The following SHISA6 variants were observed in gnomAD, a reference collection of about 807,000 sequenced individuals.
SHISA6 encodes the protein protein shisa-6.
In SHISA6, 22 loss-of-function variants were observed where a neutral mutation model predicts 47.9. The observed-to-expected ratio is 0.46, with a 90% CI of 0.33 to 0.66. SHISA6 has a LOEUF of 0.66. SHISA6 is among the 30% of genes least tolerant of loss of function. SHISA6 has a pLI of 0.02. For missense variants in SHISA6, 680 were observed against 764.6 expected (o/e 0.89, Z 1.30); for synonymous variants, 388 against 337.8 (o/e 1.15, Z -1.63).
chr17:11,487,539 T>G (rs950846528), intron 3 of SHISA6, among the ~76,000 whole-genome samples: 1 of 152,096 alleles, frequency 6.6e-6, no homozygotes, highest in African/African-American at 2.4e-5. Context: ...CCTGAAAGCA[T>G]GAAAAACAGC....
At position 11,407,394 on chromosome 17, in the gene SHISA6, A is replaced by T. The variant is rs565670881; in HGVS notation, c.895+27885A>T. On this transcript the variant is annotated intron_variant, in intron 3 of 5. Coordinates refer to ENST00000441885, the MANE Select transcript of SHISA6 (RefSeq NM_207386.4). ...GAATGGGCTTCTTTCAAGATCCAGC[A>T]TAATCAAATTTCTCAGACCTAACTC... Among the ~76,000 whole-genome samples, 50 of 152,238 alleles carry T rather than the reference A, an allele frequency of 3.3e-4. No homozygotes were observed. In the South Asian group the frequency reaches 0.01, roughly 32 times the overall value.
intron 1 of SHISA6, among the ~76,000 whole-genome samples, chr17:11,249,546 G>A (rs1907725288): frequency 6.6e-6 from 1 of 152,094 alleles, no homozygotes; most frequent in African/African-American, 2.4e-5. Flanking sequence ...TCCCTGTAAT[G>A]TGCTTGATAC....
At chr17:11,389,744 A>G (rs994707304) in intron 3 of SHISA6, among the ~76,000 whole-genome samples, 2 of 152,088 alleles carry the variant, frequency 1.3e-5, no homozygotes, top group Non-Finnish European at 2.9e-5. Context: ...GGCTAGTACA[A>G]TCTCTCCTCC....
At chr17:11,442,955 G>A (rs1915130830) in intron 3 of SHISA6, among the ~76,000 whole-genome samples, 2 of 152,140 alleles carry the variant, frequency 1.3e-5, no homozygotes, top group Admixed American at 6.5e-5. Flanking sequence ...AAATGAAATA[G>A]GGCTAAATCC....
intron 2 of SHISA6, among the ~76,000 whole-genome samples, chr17:11,374,673 A>C (rs1292001952): frequency 6.6e-6 from 1 of 152,060 alleles, no homozygotes; most frequent in Non-Finnish European, 1.5e-5. Context: ...AAACATCTTC[A>C]TTCAAAAATA....
chr17:11,435,698 A>C (rs1914916198), intron 3 of SHISA6, among the ~76,000 whole-genome samples: 1 of 152,040 alleles, frequency 6.6e-6, no homozygotes, highest in Non-Finnish European at 1.5e-5. Context: ...CCAAAGGCTC[A>C]TGGGGTTGCT....
At chr17:11,380,919 G>T (rs372647715) in intron 3 of SHISA6, among the ~76,000 whole-genome samples, 15 of 152,310 alleles carry the variant, frequency 9.8e-5, no homozygotes, top group African/African-American at 3.4e-4. Context: ...TCACTGCATG[G>T]TGCCTGGATT....
At chr17:11,429,125 G>A (rs1914682856) in intron 3 of SHISA6, among the ~76,000 whole-genome samples, 1 of 152,098 alleles carries the variant, frequency 6.6e-6, no homozygotes, top group Non-Finnish European at 1.5e-5. Context: ...GTGTTTGCTG[G>A]CAGGATCCAG....
At chr17:11,463,370 C>A (rs1458233294) in intron 3 of SHISA6, among the ~76,000 whole-genome samples, 2 of 152,038 alleles carry the variant, frequency 1.3e-5, no homozygotes, top group African/African-American at 4.8e-5. Context: ...TAGTAAAAAC[C>A]TTTTATGAAT....
intron 1 of SHISA6, among the ~76,000 whole-genome samples, chr17:11,245,751 G>GC (rs889803016): frequency 5.4e-5 from 8 of 148,194 alleles, no homozygotes; most frequent in East Asian, 3.9e-4. Flanking sequence ...GGGCAGGGTG[G>GC]GGGGGGTGGA....
chr17:11,439,723 C>A (rs4792136), intron 3 of SHISA6, among the ~76,000 whole-genome samples: 17,372 of 152,172 alleles, frequency 0.11, 1,405 homozygotes, highest in African/African-American at 0.23. Flanking sequence ...CTTCCTTCCA[C>A]CCTCTTCTTC....
At chr17:11,404,478 G>A (rs1400930687) in intron 3 of SHISA6, among the ~76,000 whole-genome samples, 1 of 152,080 alleles carries the variant, frequency 6.6e-6, no homozygotes, top group East Asian at 1.9e-4. Context: ...AATATCTGTG[G>A]GTTGTGGCTG....
rs181259675 is a variant in SHISA6 at position 11,488,014 on chromosome 17, G to A, written c.896-63882G>A. ...GTCTGATATCCTGGGTTTTTATTGT[G>A]TCGGATGGGGTTCAGGAGCAGTGGG... On this transcript the variant is annotated intron_variant, in intron 3 of 5. Coordinates refer to ENST00000441885, the MANE Select transcript of SHISA6 (RefSeq NM_207386.4). Among the ~76,000 whole-genome samples the A allele has an allele frequency of 3.6e-3, 556 of 152,340 alleles. 5 individuals carry two copies. The highest frequency in any genetic ancestry group is 0.013 in the African/African-American group (531 of 41,576).
chr17:11,289,887 A>G (rs1248706306), intron 2 of SHISA6: 3 of 152,110 alleles, frequency 2.0e-5, no homozygotes, highest in Non-Finnish European at 4.4e-5. Flanking sequence ...GTTAGTGTAC[A>G]AATTAGTGTT....
At chr17:11,511,959 TC>T (rs1416727378) in intron 3 of SHISA6, among the ~76,000 whole-genome samples, 4 of 152,208 alleles carry the variant, frequency 2.6e-5, no homozygotes, top group Non-Finnish European at 4.4e-5. Flanking sequence ...GGGCCAGGAT[TC>T]AAGAGACTCG....
chr17:11,382,721 G>A (rs868681963), intron 3 of SHISA6, among the ~76,000 whole-genome samples: 19 of 151,792 alleles, frequency 1.3e-4, no homozygotes, highest in African/African-American at 3.6e-4. Flanking sequence ...TAGCCATTGC[G>A]TTGCCCCATT....
intron 2 of SHISA6, among the ~76,000 whole-genome samples, chr17:11,376,396 C>T (rs1912802768): frequency 6.6e-6 from 1 of 151,450 alleles, no homozygotes; most frequent in Admixed American, 6.6e-5. Flanking sequence ...GAGCTCACTG[C>T]AACCTCCACC....
At chr17:11,506,826 G>T (rs1273857423) in intron 3 of SHISA6, among the ~76,000 whole-genome samples, 6 of 152,160 alleles carry the variant, frequency 3.9e-5, no homozygotes, top group East Asian at 1.9e-4. Flanking sequence ...CAAAGTTCAG[G>T]ACCTAGGACA....
intron 1 of SHISA6, among the ~76,000 whole-genome samples, chr17:11,250,238 G>A (rs9889283): frequency 0.084 from 12,784 of 152,232 alleles, 552 homozygotes; most frequent in East Asian, 0.18. Context: ...AGTGAGGCTC[G>A]GGGTCAGAGC....
Sources: allele counts gnomAD v4.1 joint callset (sites outside exome capture counted in the v4.1 genomes callset), GRCh38; gene constraint gnomAD v4.1.1; transcripts MANE v1.5; gene names NCBI Gene and HGNC (gene_info 2026-07-23, HGNC 2026-07-21).